The following FERMT2 variants were observed in gnomAD, a reference collection of about 807,000 sequenced individuals.
FERMT2 encodes fermitin family homolog 2.
In FERMT2, 15 loss-of-function variants were observed where a neutral mutation model predicts 82.7. The ratio of observed to expected loss-of-function variants is 0.18; its 90% CI spans 0.12 to 0.28. The LOEUF (loss-of-function observed/expected upper bound fraction) is 0.28. Ranked by LOEUF, FERMT2 falls within the 10% of genes least tolerant of loss-of-function variation. The pLI is 1.00. For missense variants in FERMT2, 645 were observed against 809.4 expected, an observed-to-expected ratio of 0.80 and a Z score of 2.46; for synonymous variants, 274 against 271.5, an observed-to-expected ratio of 1.01 and a Z score of -0.09.
At chr14:52,877,414 T>C (rs1886027121) in intron 7 of FERMT2, among the ~76,000 whole-genome samples, 1 of 152,012 alleles carries the variant, frequency 6.6e-6, no homozygotes, top group Admixed American at 6.6e-5. Flanking sequence ...AGAGTCAGAA[T>C]TATCTGGAAA....
At chr14:52,902,868 CAAAA>C (rs1252336097) in intron 3 of FERMT2, among the ~76,000 whole-genome samples, 2 of 5,542 alleles carry the variant, frequency 3.6e-4, no homozygotes, top group African/African-American at 1.2e-3. Context: ...GACTCCGTCT[CAAAA>C]AAAAAAAAAA....
Position 52,950,512 on chromosome 14 carries a change from T to C in FERMT2, c.57A>G (p.Glu19=). Reference sequence around the variant, plus strand: ...TCAGGTCCGTCACATGGACACTCAGTTCCCACGTCCCGTCCGCGTAGCAGC... The same window carrying C: ...TCAGGTCCGTCACATGGACACTCAGCTCCCACGTCCCGTCCGCGTAGCAGC... ...PDGCYADGTW[E]LSVHVTDLNR... The change falls in exon 2 of 15, where the codon GAA becomes GAG. Residue 19 remains glutamate (E), a synonymous_variant. Transcript: ENST00000341590. The C allele has an allele frequency of 6.2e-7, 1 of 1,614,122 alleles. No homozygotes were observed. The highest frequency in any genetic ancestry group is 8.5e-7 in the Non-Finnish European group (1 of 1,180,004).
chr14:52,935,952 G>C (rs929078408), intron 2 of FERMT2, among the ~76,000 whole-genome samples: 11 of 152,176 alleles, frequency 7.2e-5, no homozygotes, highest in African/African-American at 2.7e-4. Context: ...AGCAGTTACA[G>C]AATGCATAAA....
intron 3 of FERMT2, among the ~76,000 whole-genome samples, chr14:52,911,583 A>G (rs1025521322): frequency 7.2e-5 from 11 of 151,794 alleles, no homozygotes; most frequent in East Asian, 1.9e-4. Flanking sequence ...CCCGGGAGGC[A>G]GAGCTTGCAG....
intron 2 of FERMT2, among the ~76,000 whole-genome samples, chr14:52,920,066 G>A (rs752604981): frequency 1.3e-5 from 2 of 152,122 alleles, no homozygotes; most frequent in Non-Finnish European, 2.9e-5. Flanking sequence ...CTATTTAACA[G>A]CCTTATGCAA....
At chr14:52,885,759 T>A (rs1013325385) in intron 4 of FERMT2, among the ~76,000 whole-genome samples, 13 of 152,162 alleles carry the variant, frequency 8.5e-5, no homozygotes, top group Admixed American at 3.3e-4. Context: ...GTATATTTTT[T>A]AAAAAGAGTA....
intron 2 of FERMT2, among the ~76,000 whole-genome samples, chr14:52,947,371 C>T (rs958889033): frequency 1.3e-5 from 2 of 151,900 alleles, no homozygotes; most frequent in East Asian, 1.9e-4. Context: ...CCCAGCTACT[C>T]GGGAGGCTGA....
rs1372350890 is a variant in FERMT2 at position 52,901,184 on chromosome 14, G to A, written c.392-7757C>T. ...TAGTCCCAGCTACTCCGGAGGCTGA[G>A]GCAGGAGAATGGCTTGAACCCGGGA... is the stretch of plus-strand genomic sequence containing the variant. On this transcript the variant is annotated intron_variant, in intron 3 of 14. Transcript: ENST00000341590. Among the ~76,000 whole-genome samples the A allele has an allele frequency of 4.7e-4, 70 of 148,108 alleles. No homozygotes were observed. In the Admixed American group the frequency reaches 4.8e-3, roughly 10 times the overall value.
intron 3 of FERMT2, among the ~76,000 whole-genome samples, chr14:52,907,711 C>T (rs976379469): frequency 1.4e-4 from 21 of 151,626 alleles, no homozygotes; most frequent in African/African-American, 4.6e-4. Flanking sequence ...AATAGCAAAA[C>T]GAAGGTCGTA....
intron 1 of FERMT2, 84 bp from the exon 2 acceptor site, chr14:52,950,661 G>C (rs753430104): frequency 3.6e-5 from 51 of 1,415,504 alleles, no homozygotes; most frequent in Non-Finnish European, 4.7e-5. Flanking sequence ...CGCCGGCCAC[G>C]GGCTGGGAGG....
At chr14:52,866,398 C>G (rs62003517) in intron 10 of FERMT2, among the ~76,000 whole-genome samples, 20,007 of 152,178 alleles carry the variant, frequency 0.13, 1,673 homozygotes, top group Middle Eastern at 0.23. Flanking sequence ...CCAACAGCAA[C>G]AGAAGGAAGC....
intron 10 of FERMT2, 94 bp downstream of exon 10, chr14:52,872,705 T>G: frequency 7.2e-7 from 1 of 1,385,070 alleles, no homozygotes; most frequent in Non-Finnish European, 9.9e-7. Context: ...AATTGATTTT[T>G]TTAAAAAACT....
intron 3 of FERMT2, among the ~76,000 whole-genome samples, chr14:52,896,706 G>T (rs1270861570): frequency 6.6e-6 from 1 of 152,178 alleles, no homozygotes; most frequent in Non-Finnish European, 1.5e-5. Flanking sequence ...GCTAACAACA[G>T]AGACCTGGCA....
chr14:52,859,638 C>T lies in FERMT2; in HGVS notation c.1804G>A (p.Asp602Asn). Reference protein sequence around the residue: ...RLIRMDASTGDAIKTWRFSNM... With the variant: ...RLIRMDASTGNAIKTWRFSNM... ...CTGAAACGCCATGTTTTAATTGCAT[C>T]TCCAGTGCTGGCATCCATCCGAATC... is the stretch of plus-strand genomic sequence containing the variant. The change falls in exon 14 of 15, where the codon GAT becomes AAT. Residue 602 changes from aspartate to asparagine, a missense_variant. By Grantham distance (23) the Asp-to-Asn change is conservative. Transcript: ENST00000341590. 6.2e-7 allele frequency: 1 copy of T among 1,612,256 alleles called. No homozygotes were observed. The highest frequency in any genetic ancestry group is 8.5e-7 in the Non-Finnish European group (1 of 1,179,080).
chr14:52,904,762 GA>G (rs77691267), intron 3 of FERMT2, among the ~76,000 whole-genome samples: 1,478 of 113,126 alleles, frequency 0.013, 18 homozygotes, highest in African/African-American at 0.035. Flanking sequence ...AAAAGGAGGA[GA>G]AAAAAAAAAA....
chr14:52,947,030 T>C lies in FERMT2; in HGVS notation c.157+3382A>G, dbSNP rs182007044. 4.6e-4 allele frequency among the ~76,000 whole-genome samples: 70 copies of C among 152,294 alleles called. 2 individuals are homozygous for C. The East Asian group carries it at 0.013, about 29-fold the overall frequency. ...GGATGAAGTATAAACACTGAGGGGA[T>C]CAATTATTTATGAAGTATCAGCCTA... On this transcript the variant is annotated intron_variant, in intron 2 of 14. Coordinates refer to ENST00000341590, the MANE Select transcript of FERMT2 (RefSeq NM_006832.3).
intron 2 of FERMT2, among the ~76,000 whole-genome samples, chr14:52,935,914 G>GT (rs1173274527): frequency 6.6e-6 from 1 of 152,122 alleles, no homozygotes; most frequent in Non-Finnish European, 1.5e-5. Context: ...CAGTTAAGAA[G>GT]TTTTTTTCAG....
intron 2 of FERMT2, among the ~76,000 whole-genome samples, chr14:52,930,873 T>C (rs867787983): frequency 1.8e-4 from 27 of 152,216 alleles, no homozygotes; most frequent in Non-Finnish European, 2.5e-4. Flanking sequence ...ATCCTTAATA[T>C]TGATTGAAAT....
chr14:52,907,626 G>A (rs1168480903), intron 3 of FERMT2, among the ~76,000 whole-genome samples: 1 of 152,166 alleles, frequency 6.6e-6, no homozygotes, highest in Non-Finnish European at 1.5e-5. Flanking sequence ...TATACTATGT[G>A]TGAAGTAGTA....
Sources: gnomAD v4.1 joint callset for allele counts (sites outside exome capture counted in the v4.1 genomes callset) on GRCh38, gnomAD v4.1.1 for gene constraint, MANE v1.5 for transcripts, NCBI Gene and HGNC (gene_info 2026-07-23, HGNC 2026-07-21) for gene names.